SORCS3: variants seen among roughly 807,000 people sequenced by gnomAD.
The protein encoded by SORCS3 is VPS10 domain-containing receptor SorCS3.
A neutral mutation model predicts 146.3 loss-of-function variants in SORCS3; 57 were observed. The observed-to-expected ratio is 0.39, with a 90% CI of 0.31 to 0.49. The LOEUF is 0.49. Among genes scored for constraint, SORCS3 ranks in the 20% least tolerant of loss-of-function variants. The probability of loss-of-function intolerance (pLI) is 0.92; values close to 1 mark genes in which losing one functional copy is unlikely to be tolerated. For synonymous variants in SORCS3, 653 were observed against 618.5 expected, an observed-to-expected ratio of 1.06 and a Z score of -0.83; for missense variants, 1,341 against 1,575.5, an observed-to-expected ratio of 0.85 and a Z score of 2.52.
intron 20 of SORCS3, among the ~76,000 whole-genome samples, chr10:105,240,989 A>G (rs925757604): frequency 2.4e-4 from 36 of 151,642 alleles, no homozygotes; most frequent in African/African-American, 7.5e-4. Context: ...TATATATCTC[A>G]GTATTTATTT....
intron 4 of SORCS3, among the ~76,000 whole-genome samples, chr10:104,979,552 T>C (rs1250477210): frequency 6.9e-6 from 1 of 145,524 alleles, no homozygotes. Flanking sequence ...AATATGTGAT[T>C]GTGAATTTGT....
At position 104,977,486 on chromosome 10, in the gene SORCS3, A is replaced by C. The variant is rs2054906675; in HGVS notation, c.947A>C (p.Asp316Ala). The C allele has an allele frequency of 2.5e-6, 4 of 1,603,722 alleles. No individual in the cohort carries two copies. Among genetic ancestry groups the C allele is most frequent in the Non-Finnish European group, 3.4e-6 (4 of 1,176,604 alleles). ...GACTGGGTGCTGGCCTACAGTTTGG[A>C]TCAAAAGGTGAATAAATACTATTTT... ...QEDWVLAYSL[D>A]QKLYSSMDFG... Residue 316 changes from aspartate (D) to alanine (A), a missense_variant, in exon 4 of 27, where the codon GAT becomes GCT. Coordinates refer to ENST00000369701, the MANE Select transcript of SORCS3 (RefSeq NM_014978.3).
intron 2 of SORCS3, among the ~76,000 whole-genome samples, chr10:104,899,223 G>A (rs1405092273): frequency 1.3e-5 from 2 of 152,164 alleles, no homozygotes; most frequent in Non-Finnish European, 2.9e-5. Flanking sequence ...TCTCTACTAT[G>A]GGACTTAGTA....
intron 4 of SORCS3, among the ~76,000 whole-genome samples, chr10:105,025,570 G>T (rs1010301787): frequency 6.6e-5 from 10 of 152,032 alleles, no homozygotes; most frequent in Non-Finnish European, 1.2e-4. Flanking sequence ...TCTGTACACT[G>T]GGATTTTTGA....
At position 105,178,113 on chromosome 10, in the gene SORCS3, C is replaced by A; in HGVS notation, c.1949C>A (p.Ser650Ter). 1 of 1,613,550 alleles carries A rather than the reference C, an allele frequency of 6.2e-7. No individual in the cohort carries two copies. The highest frequency in any genetic ancestry group is 2.2e-5 in the East Asian group (1 of 44,822). Residue 650 changes from serine (S) to a stop codon, truncating the protein, a stop_gained, in exon 14 of 27, where the codon TCG becomes TAG. Transcript: ENST00000369701. LOFTEE classifies it high-confidence loss of function. Reference sequence around the variant, plus strand: ...TCTTGGGACAAGTATGGTTTCACTTCGGTTCCTCTCTTTGTTGACGGGGCT... The same window carrying A: ...TCTTGGGACAAGTATGGTTTCACTTAGGTTCCTCTCTTTGTTGACGGGGCT... ...GHSWDKYGFT[S>*]VPLFVDGALV...
At chr10:104,754,670 A>T (rs540800735) in intron 1 of SORCS3, among the ~76,000 whole-genome samples, 2 of 152,198 alleles carry the variant, frequency 1.3e-5, no homozygotes, top group Non-Finnish European at 2.9e-5. Flanking sequence ...GTTCTAGGAC[A>T]TGGAAATTTA....
chr10:105,208,293 A>G (rs1484345984), intron 16 of SORCS3, among the ~76,000 whole-genome samples: 4 of 151,574 alleles, frequency 2.6e-5, no homozygotes, highest in South Asian at 2.1e-4. Context: ...GTGATCTGAG[A>G]TCGCGTCCCT....
intron 7 of SORCS3, among the ~76,000 whole-genome samples, chr10:105,129,876 A>T (rs889209102): frequency 6.6e-6 from 1 of 152,108 alleles, no homozygotes. Flanking sequence ...GGCTGAGGGC[A>T]AGGAGAATTT....
chr10:104,660,830 C>T (rs372694870), intron 1 of SORCS3, among the ~76,000 whole-genome samples: 17 of 152,186 alleles, frequency 1.1e-4, no homozygotes, highest in African/African-American at 4.1e-4. Flanking sequence ...TCCTGTCTGA[C>T]TCATGCCTGA....
chr10:104,682,110 T>G (rs953264307), intron 1 of SORCS3, among the ~76,000 whole-genome samples: 3 of 152,226 alleles, frequency 2.0e-5, no homozygotes, highest in African/African-American at 7.2e-5. Flanking sequence ...GTGGGGAAAC[T>G]TAGCAAGGCA....
At chr10:104,681,882 C>G (rs911877752) in intron 1 of SORCS3, among the ~76,000 whole-genome samples, 1 of 152,222 alleles carries the variant, frequency 6.6e-6, no homozygotes, top group Admixed American at 6.5e-5. Context: ...CCTGGCCACC[C>G]AGTCTAATAC....
At chr10:105,028,182 A>T (rs1216132077) in intron 4 of SORCS3, among the ~76,000 whole-genome samples, 1 of 152,178 alleles carries the variant, frequency 6.6e-6, no homozygotes, top group Non-Finnish European at 1.5e-5. Context: ...TCTCATTACC[A>T]TGTAAACTCC....
intron 1 of SORCS3, among the ~76,000 whole-genome samples, chr10:104,745,752 C>G (rs1163805934): frequency 6.6e-6 from 1 of 152,138 alleles, no homozygotes; most frequent in Non-Finnish European, 1.5e-5. Context: ...TCATCCCAGC[C>G]CCCAGACACC....
chr10:104,779,838 C>T (rs770141023), intron 1 of SORCS3, among the ~76,000 whole-genome samples: 4 of 152,164 alleles, frequency 2.6e-5, no homozygotes, highest in Non-Finnish European at 4.4e-5. Flanking sequence ...TCTACTCTGC[C>T]CTGCCTCACC....
chr10:105,037,990 A>C (rs1312334159), intron 4 of SORCS3, among the ~76,000 whole-genome samples: 1 of 152,234 alleles, frequency 6.6e-6, no homozygotes, highest in African/African-American at 2.4e-5. Flanking sequence ...ATCAATAAGG[A>C]AAAGAGTATG....
At chr10:104,824,399 G>A (rs1204047555) in intron 1 of SORCS3, among the ~76,000 whole-genome samples, 1 of 152,156 alleles carries the variant, frequency 6.6e-6, no homozygotes, top group Non-Finnish European at 1.5e-5. Context: ...TTCTTGCACT[G>A]AAAGTGCCTT....
At chr10:104,732,167 C>G (rs2016713585) in intron 1 of SORCS3, among the ~76,000 whole-genome samples, 1 of 152,168 alleles carries the variant, frequency 6.6e-6, no homozygotes, top group Non-Finnish European at 1.5e-5. Flanking sequence ...TTAATTGGCC[C>G]TCAGTTAAGT....
chr10:105,047,491 G>T (rs2133707870), intron 5 of SORCS3, among the ~76,000 whole-genome samples: 1 of 152,162 alleles, frequency 6.6e-6, no homozygotes, highest in Non-Finnish European at 1.5e-5. Flanking sequence ...TGCTGATAAA[G>T]TAATGTACTC....
intron 2 of SORCS3, among the ~76,000 whole-genome samples, chr10:104,913,766 CTTTTTTTTT>C (rs35484660): frequency 9.4e-5 from 10 of 106,482 alleles, no homozygotes; most frequent in African/African-American, 3.4e-4. Flanking sequence ...TATCCCCATT[CTTTTTTTTT>C]TTTTTTTTTT....
Sources: gnomAD v4.1 joint callset for allele counts (sites outside exome capture counted in the v4.1 genomes callset) on GRCh38, gnomAD v4.1.1 for gene constraint, MANE v1.5 for transcripts, NCBI Gene and HGNC (gene_info 2026-07-23, HGNC 2026-07-21) for gene names.